PLCB1: variants seen among roughly 807,000 people sequenced by gnomAD.
The protein encoded by PLCB1 is phospholipase C beta 1.
PLCB1 carries 46 observed loss-of-function variants against 161.8 expected under a neutral mutation model. The observed-to-expected ratio is 0.28, with a 90% CI of 0.22 to 0.36. The LOEUF is 0.36. Ranked by LOEUF, PLCB1 falls within the 10% of genes least tolerant of loss-of-function variation. The pLI, the probability that PLCB1 is intolerant of heterozygous loss-of-function variation, is 1.00. For synonymous variants in PLCB1, 517 were observed against 503.7 expected (o/e 1.03, Z -0.35); for missense variants, 1,016 against 1,472.5 (o/e 0.69, Z 5.07).
At chr20:8,843,107 A>G (rs1053978260) in intron 31 of PLCB1, among the ~76,000 whole-genome samples, 1 of 152,250 alleles carries the variant, frequency 6.6e-6, no homozygotes, top group East Asian at 1.9e-4. Context: ...GTACCAAAAT[A>G]TGTATTTGGA....
intron 30 of PLCB1, among the ~76,000 whole-genome samples, 181 bp from the exon 31 acceptor site, chr20:8,789,994 A>G (rs1312793881): frequency 6.6e-6 from 1 of 152,142 alleles, no homozygotes; most frequent in Non-Finnish European, 1.5e-5. Flanking sequence ...TCCCACCCTT[A>G]TGTTTCTGTC....
intron 3 of PLCB1, among the ~76,000 whole-genome samples, chr20:8,490,935 T>C (rs904955543): frequency 6.6e-6 from 1 of 151,496 alleles, no homozygotes; most frequent in African/African-American, 2.4e-5. Context: ...CATATATGTG[T>C]GTGTGTTTTT....
intron 3 of PLCB1, chr20:8,600,919 T>A (rs1468412643): frequency 6.5e-6 from 1 of 152,820 alleles, no homozygotes; most frequent in Non-Finnish European, 1.5e-5. Context: ...CCTGACCCCT[T>A]GCGCTTCCCA....
intron 2 of PLCB1, among the ~76,000 whole-genome samples, chr20:8,361,044 GAA>G (rs1986523280): frequency 6.6e-6 from 1 of 152,166 alleles, no homozygotes; most frequent in Non-Finnish European, 1.5e-5. Flanking sequence ...TGATGAGAGA[GAA>G]AAGAAAATAC....
intron 31 of PLCB1, among the ~76,000 whole-genome samples, chr20:8,864,522 C>T (rs1359247606): frequency 6.6e-6 from 1 of 152,140 alleles, no homozygotes; most frequent in Non-Finnish European, 1.5e-5. Context: ...TGCAGAAGTA[C>T]ACTTGATAAA....
At chr20:8,802,076 C>T (rs1984308201) in intron 31 of PLCB1, 1 of 1,609,520 alleles carries the variant, frequency 6.2e-7, no homozygotes, top group Admixed American at 1.7e-5. Context: ...CCTCCTCATT[C>T]TTGTCGGAAA....
chr20:8,249,197 T>TAAGA (rs1981022938), intron 2 of PLCB1, among the ~76,000 whole-genome samples: 1 of 151,962 alleles, frequency 6.6e-6, no homozygotes, highest in Non-Finnish European at 1.5e-5. Context: ...TCGATTTACA[T>TAAGA]AAGAAATAGA....
At chr20:8,789,329 TGATGGTGCCACTGCAC>T (rs1983638636) in intron 29 of PLCB1, among the ~76,000 whole-genome samples, 173 bp from the exon 30 acceptor site, 1 of 152,148 alleles carries the variant, frequency 6.6e-6, no homozygotes, top group African/African-American at 2.4e-5. Context: ...CAGTGAGCCA[TGATGGTGCCACTGCAC>T]TCTACCATGG....
intron 3 of PLCB1, among the ~76,000 whole-genome samples, chr20:8,604,277 A>G (rs1352174447): frequency 6.6e-6 from 1 of 151,006 alleles, no homozygotes; most frequent in Non-Finnish European, 1.5e-5. Flanking sequence ...AAAAAAAAAA[A>G]AGGTTACTTT....
chr20:8,396,408 A>G (rs1347682966), intron 3 of PLCB1, among the ~76,000 whole-genome samples: 2 of 152,114 alleles, frequency 1.3e-5, no homozygotes, highest in Non-Finnish European at 2.9e-5. Context: ...TTCATGCACT[A>G]TTAATCCTAG....
Position 8,684,987 on chromosome 20 carries a change from C to T in PLCB1, c.918C>T (p.Val306=), listed in dbSNP as rs1600250108. The T allele has an allele frequency of 1.2e-6, 2 of 1,613,190 alleles. No individual in the cohort carries two copies. Among genetic ancestry groups the T allele is most frequent in the Non-Finnish European group, 1.7e-6 (2 of 1,179,186 alleles). The change falls in exon 10 of 32, where the codon GTC becomes GTT. Residue 306 remains valine (V), a synonymous_variant. Transcript: ENST00000338037. The part of the protein sequence containing the change: ...MRYLSGEENG[V]VSPEKLDLNE... ...ATCTGAGTGGAGAAGAAAACGGAGT[C>T]GTTTCACCTGAGAAACTGGATTTGA... is the stretch of plus-strand genomic sequence containing the variant.
intron 3 of PLCB1, among the ~76,000 whole-genome samples, chr20:8,473,415 C>A (rs945057497): frequency 5.9e-5 from 9 of 152,126 alleles, no homozygotes; most frequent in African/African-American, 2.2e-4. Context: ...TCAAAGATGT[C>A]TTTGGCATTC....
At chr20:8,155,779 T>C (rs1333612132) in intron 2 of PLCB1, among the ~76,000 whole-genome samples, 1 of 152,170 alleles carries the variant, frequency 6.6e-6, no homozygotes, top group Non-Finnish European at 1.5e-5. Flanking sequence ...TTAAATGCAA[T>C]GATGTAGTTA....
At chr20:8,861,904 A>C (rs1301191562) in intron 31 of PLCB1, among the ~76,000 whole-genome samples, 1 of 152,162 alleles carries the variant, frequency 6.6e-6, no homozygotes, top group African/African-American at 2.4e-5. Flanking sequence ...ACATTGATTT[A>C]TTGGAACTTG....
intron 2 of PLCB1, among the ~76,000 whole-genome samples, chr20:8,203,234 G>A (rs1276424692): frequency 1.3e-5 from 2 of 152,052 alleles, no homozygotes; most frequent in Admixed American, 1.3e-4. Flanking sequence ...CAATAGGAAC[G>A]TGGGACCGAC....
intron 7 of PLCB1, among the ~76,000 whole-genome samples, chr20:8,654,903 C>T (rs984402052): frequency 6.6e-6 from 1 of 152,030 alleles, no homozygotes; most frequent in Non-Finnish European, 1.5e-5. Flanking sequence ...TTCATCTCAG[C>T]ATTTAATGAT....
chr20:8,699,203 C>G (rs572424671), intron 11 of PLCB1, among the ~76,000 whole-genome samples: 84 of 152,288 alleles, frequency 5.5e-4, no homozygotes, highest in African/African-American at 1.9e-3. Context: ...GCCTGGGATA[C>G]CTGGGTCTCA....
intron 2 of PLCB1, among the ~76,000 whole-genome samples, chr20:8,327,834 A>G (rs1438221173): frequency 6.6e-6 from 1 of 152,138 alleles, no homozygotes; most frequent in African/African-American, 2.4e-5. Context: ...AAAATTAATT[A>G]TCTTGTAGTT....
chr20:8,792,008 G>A (rs1038724788), intron 31 of PLCB1: 1 of 152,458 alleles, frequency 6.6e-6, no homozygotes, highest in African/African-American at 2.4e-5. Flanking sequence ...TACTACAGTT[G>A]TAACAGTGAT....
Sources: gnomAD v4.1 joint callset for allele counts (sites outside exome capture counted in the v4.1 genomes callset) on GRCh38, gnomAD v4.1.1 for gene constraint, MANE v1.5 for transcripts, NCBI Gene and HGNC (gene_info 2026-07-23, HGNC 2026-07-21) for gene names.